The following MACO1 variants were observed in gnomAD, a reference collection of about 807,000 sequenced individuals.
MACO1 encodes macoilin.
MACO1 carries 14 observed loss-of-function variants against 78.7 expected under a neutral mutation model. The ratio of observed to expected loss-of-function variants is 0.18; its 90% CI spans 0.12 to 0.28. The LOEUF (loss-of-function observed/expected upper bound fraction) is 0.28, where lower values mean the gene tolerates loss of function less well. MACO1 is among the 10% of genes least tolerant of loss of function. MACO1 has a pLI of 1.00. For missense variants in MACO1, 501 were observed against 799.0 expected (o/e 0.63, Z 4.50); for synonymous variants, 288 against 291.6 (o/e 0.99, Z 0.12).
chr1:25,472,916 G>C (rs148633961), intron 6 of MACO1, among the ~76,000 whole-genome samples: 2 of 152,312 alleles, frequency 1.3e-5, no homozygotes, highest in African/African-American at 2.4e-5. Context: ...ATTTTAGAAT[G>C]GGAACTGTGA....
chr1:25,455,896 C>T (rs1376277081), intron 4 of MACO1, among the ~76,000 whole-genome samples: 1 of 151,976 alleles, frequency 6.6e-6, no homozygotes, highest in Non-Finnish European at 1.5e-5. Flanking sequence ...AAATGATGTC[C>T]TTGTGATTTT....
At chr1:25,469,006 A>AT (rs894037115) in intron 6 of MACO1, among the ~76,000 whole-genome samples, 2 of 151,980 alleles carry the variant, frequency 1.3e-5, no homozygotes, top group Non-Finnish European at 2.9e-5. Context: ...CATCTGGCTA[A>AT]TTTTTTTATT....
At chr1:25,496,899 C>T (rs749371571) in intron 10 of MACO1, among the ~76,000 whole-genome samples, 5 of 152,200 alleles carry the variant, frequency 3.3e-5, no homozygotes, top group Non-Finnish European at 5.9e-5. Flanking sequence ...GCAAGTCACT[C>T]AACTTCTCTA....
At chr1:25,433,389 A>G (rs979747531) in intron 1 of MACO1, among the ~76,000 whole-genome samples, 1 of 152,218 alleles carries the variant, frequency 6.6e-6, no homozygotes, top group African/African-American at 2.4e-5. Context: ...ATGAATATCA[A>G]ATTTCTGGTG....
chr1:25,491,046 A>G (rs996346910), intron 9 of MACO1, among the ~76,000 whole-genome samples: 1 of 152,340 alleles, frequency 6.6e-6, no homozygotes, highest in Admixed American at 6.5e-5. Context: ...TACAATTATT[A>G]ATGCAGGTTG....
At chr1:25,445,571 TC>T (rs1014333530) in intron 1 of MACO1, among the ~76,000 whole-genome samples, 4 of 152,054 alleles carry the variant, frequency 2.6e-5, no homozygotes, top group Non-Finnish European at 5.9e-5. Context: ...TTTCTTTTTT[TC>T]TCTTTTCTTT....
intron 4 of MACO1, among the ~76,000 whole-genome samples, chr1:25,455,922 T>G (rs1044668293): frequency 6.6e-6 from 1 of 152,034 alleles, no homozygotes; most frequent in Admixed American, 6.6e-5. Context: ...TTAACACTTA[T>G]GTTTACTTTT....
intron 1 of MACO1, among the ~76,000 whole-genome samples, chr1:25,435,240 T>C (rs554958989): frequency 6.6e-6 from 1 of 152,268 alleles, no homozygotes; most frequent in Admixed American, 6.5e-5. Context: ...CTTCATGTAC[T>C]GGATTCTGCT....
At chr1:25,497,147 G>A (rs1489067330) in intron 10 of MACO1, among the ~76,000 whole-genome samples, 5 of 152,110 alleles carry the variant, frequency 3.3e-5, no homozygotes, top group African/African-American at 4.8e-5. Context: ...TTGGGAGGCC[G>A]AGTTGGGCAG....
chr1:25,483,133 C>G (rs1468842720), intron 6 of MACO1, among the ~76,000 whole-genome samples: 1 of 152,208 alleles, frequency 6.6e-6, no homozygotes, highest in African/African-American at 2.4e-5. Flanking sequence ...TCACTGCAAC[C>G]TCCACCTCCT....
At position 25,498,343 on chromosome 1, in the gene MACO1, A is replaced by C. The variant is rs143570715; in HGVS notation, c.1872A>C (p.Ile624=). The change falls in exon 11 of 11, where the codon ATA becomes ATC. Residue 624 remains isoleucine (I), a synonymous_variant. Transcript: ENST00000374343. ...IAEVMAVMPS[I]TYSAATSPLS... is the part of the protein sequence containing the mutation. ...AAGTCATGGCCGTCATGCCCAGCAT[A>C]ACATACAGTGCCGCCACCAGCCCCC... 2 of 1,614,064 alleles carry C rather than the reference A, an allele frequency of 1.2e-6. No individual in the cohort carries two copies. The highest frequency in any genetic ancestry group is 2.7e-5 in the African/African-American group (2 of 74,926).
At chr1:25,456,563 A>G in intron 4 of MACO1, 90 bp from the exon 5 acceptor site, 1 of 1,326,018 alleles carries the variant, frequency 7.5e-7, no homozygotes, top group Non-Finnish European at 1.0e-6. Context: ...ATTTATTTTT[A>G]ATTTTTAAGC....
intron 6 of MACO1, among the ~76,000 whole-genome samples, chr1:25,473,257 G>A (rs75036352): frequency 2.1e-4 from 32 of 152,096 alleles, no homozygotes; most frequent in Non-Finnish European, 3.1e-4. Context: ...TAAAACTATC[G>A]TATTCTGGGA....
At chr1:25,464,845 A>C (rs2043203852) in intron 6 of MACO1, among the ~76,000 whole-genome samples, 1 of 146,470 alleles carries the variant, frequency 6.8e-6, no homozygotes, top group Admixed American at 6.9e-5. Context: ...TTTAGTAGAG[A>C]CGGTTTTTTA....
At position 25,438,311 on chromosome 1, in the gene MACO1, A is replaced by C. The variant is rs578225885; in HGVS notation, c.80+7133A>C. Among the ~76,000 whole-genome samples, 3 of 152,388 alleles carry C rather than the reference A, an allele frequency of 2.0e-5. No homozygotes were observed. The South Asian group carries it at 6.2e-4, about 32-fold the overall frequency. On this transcript the variant is annotated intron_variant, in intron 1 of 10. Transcript: ENST00000374343. Reference sequence around the variant, plus strand: ...AGAAATTCATTTCATAAGGGAATCAAAATTATGCTTCATATAATTGATAGT... The same window carrying C: ...AGAAATTCATTTCATAAGGGAATCACAATTATGCTTCATATAATTGATAGT...
chr1:25,489,797 T>C (rs764970039), intron 9 of MACO1, among the ~76,000 whole-genome samples: 3 of 152,164 alleles, frequency 2.0e-5, no homozygotes, highest in South Asian at 2.1e-4. Flanking sequence ...TAATGTCATA[T>C]ATTGTAAAGT....
At chr1:25,480,929 AATATATATATATATATAT>A (rs202050214) in intron 6 of MACO1, among the ~76,000 whole-genome samples, 687 of 47,910 alleles carry the variant, frequency 0.014, 20 homozygotes, top group Non-Finnish European at 0.02. Context: ...AAAAAAAAAA[AATATATATATATATATAT>A]ATATATATAT....
chr1:25,482,650 ACT>A (rs1444099596), intron 6 of MACO1, among the ~76,000 whole-genome samples: 2 of 152,150 alleles, frequency 1.3e-5, no homozygotes, highest in Admixed American at 1.3e-4. Context: ...CTCTCCTCAG[ACT>A]CACATAGCAC....
At chr1:25,439,477 T>C (rs564263196) in intron 1 of MACO1, among the ~76,000 whole-genome samples, 45 of 147,286 alleles carry the variant, frequency 3.1e-4, no homozygotes, top group Admixed American at 6.7e-4. Flanking sequence ...TACGCGCGCG[T>C]GTGTGTGTGT....
Sources: allele counts gnomAD v4.1 joint callset (sites outside exome capture counted in the v4.1 genomes callset), GRCh38; gene constraint gnomAD v4.1.1; transcripts MANE v1.5; gene names NCBI Gene and HGNC (gene_info 2026-07-23, HGNC 2026-07-21).